Variants in PMFBP1 observed in about 807,000 individuals in gnomAD.
The protein encoded by PMFBP1 is polyamine-modulated factor 1-binding protein 1.
Under a neutral mutation model 137.8 loss-of-function variants are expected in PMFBP1, and 131 were observed. The observed-to-expected ratio is 0.95, with a 90% CI of 0.82 to 1.10. PMFBP1 has a LOEUF of 1.10. Among genes scored for constraint, PMFBP1 ranks in the 50% least tolerant of loss-of-function variants. PMFBP1 has a pLI of 0.00. For missense variants in PMFBP1, 1,199 were observed against 1,175.4 expected, an observed-to-expected ratio of 1.02 and a Z score of -0.29; for synonymous variants, 490 against 450.4, an observed-to-expected ratio of 1.09 and a Z score of -1.11.
intron 16 of PMFBP1, 78 bp from the exon 17 acceptor site, chr16:72,125,012 T>A: frequency 6.5e-7 from 1 of 1,539,182 alleles, no homozygotes; most frequent in South Asian, 1.2e-5. Flanking sequence ...CAGAGGGTGC[T>A]TCCTGGGCCT....
the PMFBP1 span, among the ~76,000 whole-genome samples, chr16:72,199,301 T>C: frequency 6.6e-6 from 1 of 151,662 alleles, no homozygotes; most frequent in Non-Finnish European, 1.5e-5. Flanking sequence ...AGAGCTAAAG[T>C]GAAGACAATG....
chr16:72,187,611 G>C, the PMFBP1 span, among the ~76,000 whole-genome samples: 4 of 152,122 alleles, frequency 2.6e-5, no homozygotes, highest in Admixed American at 2.0e-4. Flanking sequence ...ATCAAGTCGT[G>C]GAAGGGAAGG....
intron 9 of PMFBP1, among the ~76,000 whole-genome samples, chr16:72,133,633 T>C (rs1211432337): frequency 6.6e-6 from 1 of 152,142 alleles, no homozygotes; most frequent in Non-Finnish European, 1.5e-5. Flanking sequence ...AGGTAGCTAG[T>C]CAGGTGTGAG....
chr16:72,242,766 A>C, the PMFBP1 span, among the ~76,000 whole-genome samples: 1 of 152,262 alleles, frequency 6.6e-6, no homozygotes, highest in Non-Finnish European at 1.5e-5. Flanking sequence ...AAGGGCTATT[A>C]TTGAGAAATA....
downstream of PMFBP1, among the ~76,000 whole-genome samples, chr16:72,117,365 C>G (rs2042318572): frequency 6.6e-6 from 1 of 152,066 alleles, no homozygotes; most frequent in Non-Finnish European, 1.5e-5. Flanking sequence ...TATCCTGTTA[C>G]TTTGCTGAAT....
intron 6 of PMFBP1, among the ~76,000 whole-genome samples, chr16:72,139,804 T>C (rs1360471265): frequency 1.3e-5 from 2 of 152,090 alleles, no homozygotes; most frequent in Admixed American, 6.5e-5. Context: ...TTTTGAAAAA[T>C]AAAAAACATG....
At chr16:72,152,891 G>T (rs2042923691) in intron 4 of PMFBP1, among the ~76,000 whole-genome samples, 1 of 148,986 alleles carries the variant, frequency 6.7e-6, no homozygotes, top group South Asian at 2.2e-4. Context: ...TGAAGCTCCA[G>T]CAGGCACCTC....
intron 13 of PMFBP1, 43 bp downstream of exon 13, chr16:72,129,023 C>T: frequency 6.2e-7 from 1 of 1,601,582 alleles, no homozygotes; most frequent in Non-Finnish European, 8.5e-7. Context: ...TCATGTCCCG[C>T]TCTGGATTCC....
the PMFBP1 span, among the ~76,000 whole-genome samples, chr16:72,240,600 T>C: frequency 1.3e-5 from 2 of 152,236 alleles, no homozygotes; most frequent in African/African-American, 4.8e-5. Context: ...TATTTTTTCA[T>C]TGTGACATCT....
rs144229490 is a variant in PMFBP1, at chr16:72,145,194, G to A, written c.637-4612C>T. ...ACAACAAACTGTCTCTCAGACCACA[G>A]TGAAATCAAATTAGAACTCAGGATT... is the stretch of plus-strand genomic sequence containing the variant. On this transcript the variant is annotated intron_variant, in intron 5 of 20. Transcript: ENST00000237353. 1.6e-4 allele frequency among the ~76,000 whole-genome samples: 24 copies of A among 152,310 alleles called. 1 individual carries two copies. The East Asian group carries it at 4.6e-3, about 29-fold the overall frequency.
the PMFBP1 span, among the ~76,000 whole-genome samples, chr16:72,200,543 G>C: frequency 9.2e-5 from 14 of 152,228 alleles, no homozygotes; most frequent in Non-Finnish European, 1.5e-4. Context: ...GAGCCTCATA[G>C]CCTCCTACAG....
intron 3 of PMFBP1, among the ~76,000 whole-genome samples, chr16:72,156,492 C>T (rs1051308837): frequency 3.3e-5 from 5 of 151,828 alleles, no homozygotes; most frequent in Admixed American, 6.6e-5. Context: ...TGGTGGCGGG[C>T]GCCTGTAGTC....
chr16:72,249,574 T>C, the PMFBP1 span, among the ~76,000 whole-genome samples: 4 of 151,940 alleles, frequency 2.6e-5, no homozygotes, highest in African/African-American at 9.7e-5. Flanking sequence ...TACACGTTCT[T>C]GGGAAGATAA....
chr16:72,213,281 T>A, the PMFBP1 span, among the ~76,000 whole-genome samples: 3 of 152,204 alleles, frequency 2.0e-5, no homozygotes, highest in Non-Finnish European at 2.9e-5. Context: ...CTTTCTTCTA[T>A]AATCCCCTCC....
intron 19 of PMFBP1, among the ~76,000 whole-genome samples, chr16:72,122,108 C>A (rs889467333): frequency 2.6e-5 from 4 of 152,114 alleles, no homozygotes; most frequent in African/African-American, 7.2e-5. Context: ...TTCCTAAGTT[C>A]TCATCATTTA....
At chr16:72,199,161 G>A in the PMFBP1 span, among the ~76,000 whole-genome samples, 1 of 152,176 alleles carries the variant, frequency 6.6e-6, no homozygotes, top group Non-Finnish European at 1.5e-5. Context: ...GTCGGTTCAG[G>A]TGTTGTCAGC....
upstream of PMFBP1, among the ~76,000 whole-genome samples, chr16:72,178,248 A>G (rs1395827889): frequency 6.6e-6 from 1 of 152,162 alleles, no homozygotes; most frequent in Non-Finnish European, 1.5e-5. Flanking sequence ...GGGATACATG[A>G]TATCAATGCA....
Position 72,136,769 on chromosome 16 carries a change from C to T in PMFBP1, c.969G>A (p.Glu323=), listed in dbSNP as rs947566111. ...EQKDSQCLHV[E]EYQNLVKDLR... ...GATCCTTCACCAGGTTCTGGTACTC[C>T]TCCACATGCAGGCACTGGCTGTCTT... The change falls in exon 8 of 21, where the codon GAG becomes GAA. Residue 323 remains glutamate, a synonymous_variant. Transcript: ENST00000237353. The T allele has an allele frequency of 3.7e-6, 6 of 1,614,192 alleles. No individual in the cohort carries two copies. Among genetic ancestry groups the T allele is most frequent in the Non-Finnish European group, 5.1e-6 (6 of 1,180,044 alleles).
intron 4 of PMFBP1, among the ~76,000 whole-genome samples, chr16:72,152,416 A>G (rs1313268443): frequency 1.3e-5 from 2 of 152,154 alleles, no homozygotes; most frequent in Non-Finnish European, 2.9e-5. Flanking sequence ...AGCTGTTGCC[A>G]TGTGACTAAT....
Sources: gnomAD v4.1 joint callset for allele counts (sites outside exome capture counted in the v4.1 genomes callset) on GRCh38, gnomAD v4.1.1 for gene constraint, MANE v1.5 for transcripts, NCBI Gene and HGNC (gene_info 2026-07-23, HGNC 2026-07-21) for gene names.